The following PLXNB3 variants were observed in gnomAD, a reference collection of about 807,000 sequenced individuals.
PLXNB3 encodes the protein plexin B3, also known as plexin-B3.
Under a neutral mutation model 125.7 loss-of-function variants are expected in PLXNB3, and 80 were observed. The ratio of observed to expected loss-of-function variants is 0.64; its 90% confidence interval spans 0.53 to 0.77. The LOEUF (loss-of-function observed/expected upper bound fraction) is 0.77. PLXNB3 is among the 30% of genes least tolerant of loss of function. The probability of loss-of-function intolerance (pLI) is 0.00; values close to 1 mark genes in which losing one functional copy is unlikely to be tolerated. For synonymous variants in PLXNB3, 954 were observed against 783.3 expected, an observed-to-expected ratio of 1.22 and a Z score of -3.64; for missense variants, 1,836 against 1,729.3, an observed-to-expected ratio of 1.06 and a Z score of -1.09.
chrX:153,772,953 G>C lies in PLXNB3; in HGVS notation c.2843G>C (p.Arg948Pro). 8.4e-7 allele frequency: 1 copy of C among 1,196,293 alleles called. No individual in the cohort carries two copies. Reference sequence around the variant, plus strand: ...GCAGGGGGCACCCAGCTCACCATCCGAGGTCAGCACCTCCAGACAGGTGGC... The same window carrying C: ...GCAGGGGGCACCCAGCTCACCATCCCAGGTCAGCACCTCCAGACAGGTGGC... ...PQAGGTQLTI[R>P]GQHLQTGGNT... Residue 948 changes from arginine to proline, a missense_variant, in exon 17 of 36, where the codon CGA becomes CCA. Coordinates refer to ENST00000361971, the MANE Select transcript of PLXNB3 (RefSeq NM_005393.3).
intron 6 of PLXNB3, among the ~76,000 whole-genome samples, chrX:153,769,600 G>A (rs1009559967): frequency 3.5e-5 from 4 of 113,009 alleles, no homozygotes; most frequent in African/African-American, 6.4e-5. Context: ...CAGCCCAGCC[G>A]CACCTGCCTC....
At chrX:153,770,933 G>C (rs781815574) in intron 11 of PLXNB3, 32 bp from the exon 12 acceptor site, 4 of 1,206,445 alleles carry the variant, frequency 3.3e-6, no homozygotes, top group Non-Finnish European at 4.5e-6. Flanking sequence ...TGCCAACAGC[G>C]TGTCCACACT....
At chrX:153,774,373 G>A (rs782034599) in intron 21 of PLXNB3, 29 bp downstream of exon 21, 2 of 1,156,177 alleles carry the variant, frequency 1.7e-6, no homozygotes, top group Admixed American at 5.0e-5. Context: ...TGGGCAGGTG[G>A]ACCGGGTGCC....
rs782253932 is a variant in PLXNB3 at position 153,774,410 on chromosome X, C to T, written c.3679-10C>T. The T allele has an allele frequency of 8.5e-6, 10 of 1,175,528 alleles. No homozygotes were observed. The highest frequency in any genetic ancestry group is 3.8e-5 in the South Asian group (2 of 53,024). On this transcript the variant is annotated splice_polypyrimidine_tract_variant and intron_variant, in intron 21 of 35. Coordinates refer to ENST00000361971, the MANE Select transcript of PLXNB3 (RefSeq NM_005393.3). ...CCAGCATGCACTCAGGAACCCTGCC[C>T]GCCCCCCAGGTGCAGATGGGCAATG... is the stretch of plus-strand genomic sequence containing the variant.
intron 6 of PLXNB3, 100 bp from the exon 7 acceptor site, chrX:153,769,707 C>G (rs370713733): frequency 5.1e-5 from 45 of 890,255 alleles, no homozygotes; most frequent in African/African-American, 4.2e-4. Context: ...TCATTGCACC[C>G]CACTGCACTC....
At position 153,769,194 on chromosome X, in the gene PLXNB3, G is replaced by T. The variant is rs1036115653; in HGVS notation, c.1428G>T (p.Gln476His). 81 of 1,183,177 alleles carry T rather than the reference G, an allele frequency of 6.8e-5. No homozygotes were observed. Among genetic ancestry groups the T allele is most frequent in the Non-Finnish European group, 8.5e-5 (75 of 881,506 alleles). The stretch of plus-strand genomic sequence containing the variant: ...GGATACCTGTGGCAGCCTGCCCCCA[G>T]TTCCCTGACTGTGCCAGCTGCCTCC... The part of the protein sequence containing the change: ...VDRIPVAACP[Q>H]FPDCASCLQA... The change falls in exon 6 of 36, where the codon CAG becomes CAT. Residue 476 changes from glutamine (Q) to histidine (H), a missense_variant. Physicochemically the swap from Gln to His is conservative, Grantham distance 24. Transcript: ENST00000361971.
chrX:153,766,211 A>G lies in PLXNB3; in HGVS notation c.45+631A>G, dbSNP rs1311430669. The G allele has an allele frequency of 6.1e-6, 7 of 1,154,094 alleles. No homozygotes were observed. The African/African-American group carries it at 1.3e-4, about 21-fold the overall frequency. On this transcript the variant is annotated intron_variant, in intron 2 of 35. Coordinates refer to ENST00000361971, the MANE Select transcript of PLXNB3 (RefSeq NM_005393.3). ...CCTCGCCCTGGAGCTGGGCGCCAGC[A>G]TGGAGCTCACCCCTGCCTCTTCGCT...
chrX:153,777,155 C>T (rs929919502), intron 29 of PLXNB3, 53 bp from the exon 30 acceptor site: 3 of 1,106,073 alleles, frequency 2.7e-6, no homozygotes, highest in Non-Finnish European at 3.6e-6. Flanking sequence ...GACTGGGCAT[C>T]CCAGGCCAGG....
At chrX:153,766,472 C>T in intron 2 of PLXNB3, 1 of 1,039,620 alleles carries the variant, frequency 9.6e-7, no homozygotes, top group South Asian at 2.7e-5. Context: ...CGGCCTCCCT[C>T]CCTCCCCTGC....
intron 16 of PLXNB3, 59 bp from the exon 17 acceptor site, chrX:153,772,827 A>T: frequency 8.4e-6 from 9 of 1,065,790 alleles, no homozygotes; most frequent in Non-Finnish European, 9.6e-6. Flanking sequence ...GGCATGGCCC[A>T]GGGGGGTGAA....
intron 2 of PLXNB3, chrX:153,766,669 C>A (rs1300208024): frequency 1.3e-6 from 1 of 746,550 alleles, no homozygotes; most frequent in Non-Finnish European, 1.6e-6. Context: ...CTCTTGGACA[C>A]TGTCTTTGTC....
At chrX:153,776,293 T>TTAC in intron 27 of PLXNB3, 63 bp from the exon 28 acceptor site, 7 of 1,079,423 alleles carry the variant, frequency 6.5e-6, no homozygotes, top group Non-Finnish European at 8.9e-6. Context: ...CAACTGTGTC[T>TTAC]TACTATGAGT....
rs782274193 is a variant in PLXNB3, at chrX:153,778,106, T to C, written c.5409+11T>C. ...CATAAAGTGGGCCGGGTGAGAGCAG[T>C]GCCAGCAGCAGCAGCTGGCAGGGGC... On this transcript the variant is annotated intron_variant, in intron 32 of 35. Transcript: ENST00000361971. 25 of 1,209,653 alleles carry C rather than the reference T, an allele frequency of 2.1e-5. No homozygotes were observed. The highest frequency in any genetic ancestry group is 2.3e-4 in the Middle Eastern group (1 of 4,372).
rs1557062657 is a variant in PLXNB3 at position 153,773,260 on chromosome X, G to A, written c.2937G>A (p.Val979=). 8.3e-7 allele frequency: 1 copy of A among 1,209,895 alleles called. No individual in the cohort carries two copies. Among genetic ancestry groups the A allele is most frequent in the East Asian group, 3.0e-5 (1 of 33,824 alleles). The change falls in exon 18 of 36, where the codon GTG becomes GTA. Residue 979 remains valine, a synonymous_variant. Coordinates refer to ENST00000361971, the MANE Select transcript of PLXNB3 (RefSeq NM_005393.3). ...ILEPVCPEAI[V]CRTRPQAAPG... ...AGCCAGTGTGTCCGGAGGCCATCGT[G>A]TGCCGTACCAGGCCCCAGGCTGCCC...
chrX:153,776,267 G>C (rs1282746183), intron 27 of PLXNB3, 53 bp downstream of exon 27: 18 of 741,193 alleles, frequency 2.4e-5, no homozygotes, highest in Middle Eastern at 6.9e-4. Flanking sequence ...CTACCCCTCC[G>C]GCACCTGGAG....
chrX:153,768,300 G>A lies in PLXNB3; in HGVS notation c.1138G>A (p.Ala380Thr). 2 of 1,208,010 alleles carry A rather than the reference G, an allele frequency of 1.7e-6. No homozygotes were observed. The highest frequency in any genetic ancestry group is 2.2e-6 in the Non-Finnish European group (2 of 892,851). The change falls in exon 4 of 36, where the codon GCT (alanine) becomes ACT (threonine). Residue 380 changes from alanine to threonine, a missense_variant. Physicochemically the swap from Ala to Thr is moderately conservative, Grantham distance 58. Coordinates refer to ENST00000361971, the MANE Select transcript of PLXNB3 (RefSeq NM_005393.3). ...CGDEHTPSPI[A>T]GRQPLEVQPL... ...CGACGAGCACACCCCCAGCCCCATT[G>A]CTGGCCGCCAGCCCCTGGAGGTCCA...
At position 153,770,633 on chromosome X, in the gene PLXNB3, C is replaced by T. The variant is rs142473436; in HGVS notation, c.2001C>T (p.Ser667=). Residue 667 remains serine (S), a synonymous_variant, in exon 10 of 36, where the codon AGC becomes AGT. Transcript: ENST00000361971. ...CAGAGGGCGAGAGGACCATCTACAG[C>T]GCCCAGGAGGTGGGTGGGCCCGAAC... ...HCPEGERTIY[S]AQEVDIQVRG... is the part of the protein sequence containing the mutation. 30 of 1,208,858 alleles carry T rather than the reference C, an allele frequency of 2.5e-5. No homozygotes were observed. In the African/African-American group the frequency reaches 3.6e-4, roughly 15 times the overall value.
At chrX:153,766,569 T>C (rs1335122089) in intron 2 of PLXNB3, 8 of 1,033,509 alleles carry the variant, frequency 7.7e-6, no homozygotes, top group South Asian at 3.0e-5. Context: ...CCTTCAACAA[T>C]CTACATGCAT....
Position 153,769,028 on chromosome X carries a change from G to A in PLXNB3, c.1347G>A (p.Leu449=), listed in dbSNP as rs1557060511. The part of the protein sequence containing the change: ...GPPGSAISPD[L]LLDSSGSHLY... ...CAGGCTCAGCCATCAGCCCAGACCTGCTGCTGGACAGCAGTGGCAGTCACC... is the reference window on the plus strand; with the variant it reads ...CAGGCTCAGCCATCAGCCCAGACCTACTGCTGGACAGCAGTGGCAGTCACC... The change falls in exon 5 of 36, where the codon CTG becomes CTA. Residue 449 remains leucine (L), a synonymous_variant. Coordinates refer to ENST00000361971, the MANE Select transcript of PLXNB3 (RefSeq NM_005393.3). 3 of 1,210,328 alleles carry A rather than the reference G, an allele frequency of 2.5e-6. No homozygotes were observed. Among genetic ancestry groups the A allele is most frequent in the Non-Finnish European group, 3.4e-6 (3 of 894,923 alleles).
Sources: allele counts gnomAD v4.1 joint callset (sites outside exome capture counted in the v4.1 genomes callset), GRCh38; gene constraint gnomAD v4.1.1; transcripts MANE v1.5; gene names NCBI Gene and HGNC (gene_info 2026-07-23, HGNC 2026-07-21).